Variants in ATP11B observed in about 807,000 individuals in gnomAD.
The protein encoded by ATP11B is phospholipid-transporting ATPase IF.
ATP11B carries 81 observed loss-of-function variants against 157.8 expected under a neutral mutation model. The observed-to-expected ratio is 0.51, with a 90% CI of 0.43 to 0.62. ATP11B has a LOEUF of 0.62. Among genes scored for constraint, ATP11B ranks in the 20% least tolerant of loss-of-function variants. The pLI, the probability that ATP11B is intolerant of heterozygous loss-of-function variation, is 0.00. For synonymous variants in ATP11B, 451 were observed against 469.4 expected (o/e 0.96, Z 0.51); for missense variants, 1,165 against 1,402.2 (o/e 0.83, Z 2.70).
intron 14 of ATP11B, among the ~76,000 whole-genome samples, 167 bp from the exon 15 acceptor site, chr3:182,867,209 A>G (rs1445319635): frequency 1.3e-5 from 2 of 148,270 alleles, no homozygotes; most frequent in Non-Finnish European, 2.9e-5. Flanking sequence ...GATGACAGGC[A>G]TGAGCCACCA....
chr3:182,884,878 G>C lies in ATP11B; in HGVS notation c.2635G>C (p.Val879Leu), dbSNP rs1389970304. Residue 879 changes from valine (V) to leucine (L), a missense_variant, in exon 22 of 30, where the codon GTA (valine) becomes CTA (leucine). Val to Leu is a conservative substitution (Grantham distance 32). This residue lies in a region of ATP11B where 737 missense variants were observed against 930.5 expected (regional missense o/e 0.79). Transcript: ENST00000323116. ...TTATTATATTAGAATAGCTACCCTT[G>C]TACAGTATTTTTTTTATAAGGTGAG... ...HFYYIRIATL[V>L]QYFFYKNVCF... is the part of the protein sequence containing the mutation. 2.1e-6 allele frequency: 3 copies of C among 1,460,772 alleles called. No homozygotes were observed. The highest frequency in any genetic ancestry group is 2.9e-5 in the African/African-American group (2 of 69,652). The allele number at this position is 1,460,772 out of a possible 1,614,324, so 90.5% of individuals were successfully genotyped here.
intron 28 of ATP11B, among the ~76,000 whole-genome samples, chr3:182,901,637 G>A (rs1442864198): frequency 1.3e-5 from 2 of 152,134 alleles, no homozygotes; most frequent in Admixed American, 6.5e-5. Flanking sequence ...TTTAGGCAGA[G>A]CATTTGCAAA....
At chr3:182,888,217 A>G (rs1722928878) in intron 24 of ATP11B, among the ~76,000 whole-genome samples, 1 of 152,208 alleles carries the variant, frequency 6.6e-6, no homozygotes, top group African/African-American at 2.4e-5. Flanking sequence ...ATTCACCATA[A>G]GCTCTTATAG....
At chr3:182,796,841 C>T (rs1715638684) in intron 1 of ATP11B, among the ~76,000 whole-genome samples, 1 of 152,150 alleles carries the variant, frequency 6.6e-6, no homozygotes. Flanking sequence ...TTGACTAGCC[C>T]AGAAAAAAGT....
At chr3:182,896,991 C>T (rs929163639) in intron 26 of ATP11B, among the ~76,000 whole-genome samples, 2 of 152,028 alleles carry the variant, frequency 1.3e-5, no homozygotes, top group African/African-American at 4.8e-5. Flanking sequence ...TTTTAAAAAT[C>T]TCTAAAAATT....
intron 29 of ATP11B, chr3:182,914,546 T>C: frequency 1.0e-6 from 1 of 985,426 alleles, no homozygotes; most frequent in African/African-American, 1.7e-5. Flanking sequence ...AAATGAGTCA[T>C]GATTTTTAAG....
chr3:182,817,223 C>G (rs1408139183), intron 1 of ATP11B, among the ~76,000 whole-genome samples: 1 of 150,772 alleles, frequency 6.6e-6, no homozygotes, highest in African/African-American at 2.4e-5. Flanking sequence ...TAGAATTGCT[C>G]TATAGGATTT....
chr3:182,804,548 T>A (rs141129473), intron 1 of ATP11B, among the ~76,000 whole-genome samples: 17 of 152,330 alleles, frequency 1.1e-4, no homozygotes, highest in African/African-American at 2.4e-4. Context: ...TTAGATTTCT[T>A]AACTCCAGTG....
At chr3:182,800,462 A>G (rs1715925777) in intron 1 of ATP11B, among the ~76,000 whole-genome samples, 1 of 152,022 alleles carries the variant, frequency 6.6e-6, no homozygotes, top group South Asian at 2.1e-4. Context: ...TCCTGGACTC[A>G]AGCGATCCTC....
chr3:182,891,370 A>C (rs1286137596), intron 25 of ATP11B, among the ~76,000 whole-genome samples: 6 of 152,200 alleles, frequency 3.9e-5, no homozygotes, highest in African/African-American at 1.4e-4. Context: ...AGTATAAAGA[A>C]AATAAATCAC....
chr3:182,855,655 A>C (rs970146427), intron 10 of ATP11B, among the ~76,000 whole-genome samples: 1 of 152,174 alleles, frequency 6.6e-6, no homozygotes, highest in Non-Finnish European at 1.5e-5. Flanking sequence ...GTTTAGAAAC[A>C]TAAAGAACTC....
rs1723738339 is a variant in ATP11B at position 182,898,701 on chromosome 3, T to C, written c.3247T>C (p.Cys1083Arg). 3 of 1,602,320 alleles carry C rather than the reference T, an allele frequency of 1.9e-6. No individual in the cohort carries two copies. The highest frequency in any genetic ancestry group is 1.1e-5 in the South Asian group (1 of 88,788). Residue 1083 changes from cysteine to arginine, a missense_variant, in exon 28 of 30, where the codon TGT (cysteine) becomes CGT (arginine). Physicochemically the swap from Cys to Arg is radical, Grantham distance 180. Transcript: ENST00000323116. ...TGCCATAATCCTCATGGTTGTTACA[T>C]GTCTATTTCTTGATATCATAAAGAA... ...WFAIILMVVTCLFLDIIKKVF... is the reference protein window; with the variant it reads ...WFAIILMVVTRLFLDIIKKVF...
chr3:182,797,191 T>G (rs1365480876), intron 1 of ATP11B, among the ~76,000 whole-genome samples: 2 of 152,226 alleles, frequency 1.3e-5, no homozygotes, highest in Non-Finnish European at 2.9e-5. Flanking sequence ...CAGTTATCAT[T>G]AGTATGTTTC....
intron 12 of ATP11B, among the ~76,000 whole-genome samples, chr3:182,860,660 C>T (rs1419823306): frequency 6.6e-6 from 1 of 152,060 alleles, no homozygotes; most frequent in Non-Finnish European, 1.5e-5. Context: ...CCCTTTAATT[C>T]TCTGACTTCA....
At chr3:182,909,284 G>A (rs1011179714) in intron 28 of ATP11B, among the ~76,000 whole-genome samples, 2 of 152,182 alleles carry the variant, frequency 1.3e-5, no homozygotes, top group African/African-American at 4.8e-5. Flanking sequence ...TTTATTATCT[G>A]TGCATAGTCA....
chr3:182,813,555 T>C lies in ATP11B; in HGVS notation c.28-6705T>C, dbSNP rs529223633. On this transcript the variant is annotated intron_variant, in intron 1 of 29. Transcript: ENST00000323116. ...ACTGTAAAACTGTAATAAATAGCCT[T>C]GATAAAAATAAGACATATCTAGGAA... Among the ~76,000 whole-genome samples the C allele has an allele frequency of 7.9e-5, 12 of 152,270 alleles. 1 individual carries two copies. The South Asian group carries it at 2.5e-3, about 32-fold the overall frequency.
chr3:182,809,508 C>G (rs1338917221), intron 1 of ATP11B, among the ~76,000 whole-genome samples: 1 of 152,174 alleles, frequency 6.6e-6, no homozygotes, highest in East Asian at 1.9e-4. Flanking sequence ...CCTGGCTTCC[C>G]AAAGTGCTGG....
At chr3:182,810,619 C>T (rs1298772226) in intron 1 of ATP11B, among the ~76,000 whole-genome samples, 2 of 152,160 alleles carry the variant, frequency 1.3e-5, no homozygotes, top group Non-Finnish European at 2.9e-5. Context: ...GAGTAGGATT[C>T]ACCTAGCATC....
rs1225659041 is a variant in ATP11B at position 182,920,837 on chromosome 3, T to A, written c.*2733T>A. The A allele has an allele frequency of 6.6e-6, 1 of 152,264 alleles. No individual in the cohort carries two copies. Among genetic ancestry groups the A allele is most frequent in the Non-Finnish European group, 1.5e-5 (1 of 68,078 alleles). 9.4% of individuals were successfully genotyped at this position (152,264 alleles called of 1,614,324 possible). A position where few individuals can be genotyped will look rare whatever the true frequency, so the allele number is the denominator to read the frequency against. On this transcript the variant is annotated 3_prime_UTR_variant, in exon 30 of 30. Transcript: ENST00000323116. ...AAGGGGAGAATTTATGGTCTGAATTTTCTAACTGTCCTCTTTCTTGGGTCT... is the reference window on the plus strand; with the variant it reads ...AAGGGGAGAATTTATGGTCTGAATTATCTAACTGTCCTCTTTCTTGGGTCT...
Sources: allele counts gnomAD v4.1 joint callset (sites outside exome capture counted in the v4.1 genomes callset), GRCh38; gene constraint gnomAD v4.1.1; regional missense constraint gnomAD v4.1.1; transcripts MANE v1.5; gene names NCBI Gene and HGNC (gene_info 2026-07-23, HGNC 2026-07-21).